The following TSPAN9 variants were observed in gnomAD, a reference collection of about 807,000 sequenced individuals.
The protein encoded by TSPAN9 is tetraspanin-9.
TSPAN9 carries 16 observed loss-of-function variants against 31.0 expected under a neutral mutation model. That is an observed-to-expected ratio of 0.52 (90% CI 0.35 to 0.78). The LOEUF (loss-of-function observed/expected upper bound fraction) is 0.78. Ranked by LOEUF, TSPAN9 falls within the 30% of genes least tolerant of loss-of-function variation. TSPAN9 has a pLI of 0.01. For synonymous variants in TSPAN9, 145 were observed against 121.6 expected (o/e 1.19, Z -1.27); for missense variants, 272 against 312.5 (o/e 0.87, Z 0.98).
rs112731669 is a variant in TSPAN9, at chr12:3,174,065, G to A, written c.-17-27112G>A. On this transcript the variant is annotated intron_variant, in intron 2 of 8. Coordinates refer to ENST00000011898, the MANE Select transcript of TSPAN9 (RefSeq NM_006675.5). The stretch of plus-strand genomic sequence containing the variant: ...AAATTCATTTATCCTCCAAAACTTC[G>A]TTCTCCCTCATTTGTTTGTTTGTTT... 1,097 of 152,374 alleles carry A rather than the reference G, an allele frequency of 7.2e-3. 9 individuals are homozygous for A. Among genetic ancestry groups the A allele is most frequent in the African/African-American group, 0.025 (1,030 of 41,540 alleles). The allele number at this position is 152,374 out of a possible 1,614,324, so 9.4% of individuals were successfully genotyped here.
chr12:3,089,624 CT>C (rs2098303138), intron 2 of TSPAN9, among the ~76,000 whole-genome samples: 1 of 151,896 alleles, frequency 6.6e-6, no homozygotes, highest in African/African-American at 2.4e-5. Flanking sequence ...AAAAAGCATC[CT>C]TTTGGCTGGG....
In TSPAN9 at chr12:3,092,821, A is replaced by G. The variant is rs78929994; in HGVS notation, c.-18+9102A>G. 9.9e-3 allele frequency among the ~76,000 whole-genome samples: 1,502 copies of G among 152,312 alleles called. 29 individuals carry two copies. The highest frequency in any genetic ancestry group is 0.034 in the African/African-American group (1,417 of 41,566). ...GCTGAGGATTGTTCTTCAGGAGCAC[A>G]GTAGCAACATCTTTGGAACCAGTGT... is the stretch of plus-strand genomic sequence containing the variant. On this transcript the variant is annotated intron_variant, in intron 2 of 8. Transcript: ENST00000011898.
At chr12:3,112,676 CTTTT>C (rs765040711) in intron 2 of TSPAN9, among the ~76,000 whole-genome samples, 1 of 88,502 alleles carries the variant, frequency 1.1e-5, no homozygotes, top group African/African-American at 4.7e-5. Flanking sequence ...TTTATTTTTG[CTTTT>C]TTTTTTTTTT....
chr12:3,233,654 G>A (rs928339514), intron 3 of TSPAN9, among the ~76,000 whole-genome samples: 3 of 152,150 alleles, frequency 2.0e-5, no homozygotes, highest in African/African-American at 7.2e-5. Context: ...ATATTTCATT[G>A]TGTGTTCATT....
intron 2 of TSPAN9, among the ~76,000 whole-genome samples, chr12:3,184,509 A>G (rs1038206393): frequency 2.0e-5 from 3 of 152,168 alleles, no homozygotes; most frequent in Admixed American, 6.5e-5. Context: ...AAATCCAGGT[A>G]GTGAATCTAT....
intron 2 of TSPAN9, among the ~76,000 whole-genome samples, chr12:3,199,417 G>A (rs529577319): frequency 2.1e-4 from 32 of 152,330 alleles, no homozygotes; most frequent in South Asian, 1.5e-3. Flanking sequence ...TGTCCCGGTC[G>A]GCAATGCAGA....
intron 3 of TSPAN9, among the ~76,000 whole-genome samples, chr12:3,266,397 G>A (rs1026883195): frequency 6.6e-6 from 1 of 152,198 alleles, no homozygotes; most frequent in Admixed American, 6.5e-5. Flanking sequence ...ACTAGCACTG[G>A]TGCACGATCG....
Position 3,281,716 on chromosome 12 carries a change from G to A in TSPAN9, c.565-18G>A, listed in dbSNP as rs760252121. 23 of 1,607,278 alleles carry A rather than the reference G, an allele frequency of 1.4e-5. No individual in the cohort carries two copies. Among genetic ancestry groups the A allele is most frequent in the Non-Finnish European group, 1.9e-5 (22 of 1,174,640 alleles). On this transcript the variant is annotated intron_variant, in intron 7 of 8. Transcript: ENST00000011898. The stretch of plus-strand genomic sequence containing the variant: ...ATGCTTGGGCTGGGACCCTAACCTC[G>A]TGGGCCTCGCTCCCCAGGGCTGCTA...
At chr12:3,235,139 C>T (rs563593564) in intron 3 of TSPAN9, among the ~76,000 whole-genome samples, 16 of 123,822 alleles carry the variant, frequency 1.3e-4, no homozygotes, top group East Asian at 2.8e-4. Context: ...GCAGAGCTTG[C>T]GCCACTGCAC....
Position 3,099,295 on chromosome 12 carries a change from G to A in TSPAN9, c.-18+15576G>A, listed in dbSNP as rs114571432. Among the ~76,000 whole-genome samples, 391 of 152,212 alleles carry A rather than the reference G, an allele frequency of 2.6e-3. 2 individuals carry two copies. Among genetic ancestry groups the A allele is most frequent in the African/African-American group, 8.1e-3 (335 of 41,534 alleles). ...CAAGCGCACGGATCTTCTGCAGTGG[G>A]TAATCTCATGTTCAATAATTCCCTC... is the stretch of plus-strand genomic sequence containing the variant. On this transcript the variant is annotated intron_variant, in intron 2 of 8. Coordinates refer to ENST00000011898, the MANE Select transcript of TSPAN9 (RefSeq NM_006675.5).
chr12:3,103,967 C>T (rs993251409), intron 2 of TSPAN9, among the ~76,000 whole-genome samples: 11 of 151,970 alleles, frequency 7.2e-5, no homozygotes, highest in Non-Finnish European at 1.3e-4. Context: ...CAGGGCGGGA[C>T]GGGAGGATGA....
chr12:3,239,318 A>G (rs1565627520), intron 3 of TSPAN9, among the ~76,000 whole-genome samples: 1 of 152,210 alleles, frequency 6.6e-6, no homozygotes, highest in Non-Finnish European at 1.5e-5. Flanking sequence ...TCTCTGAGCC[A>G]GGCCTGCCCG....
At chr12:3,275,839 A>G (rs1862775159) in intron 3 of TSPAN9, among the ~76,000 whole-genome samples, 1 of 152,250 alleles carries the variant, frequency 6.6e-6, no homozygotes, top group African/African-American at 2.4e-5. Context: ...ACCCCCCTGC[A>G]GCTCCTTGCA....
intron 2 of TSPAN9, among the ~76,000 whole-genome samples, chr12:3,128,562 C>G (rs780348745): frequency 6.6e-5 from 10 of 152,068 alleles, no homozygotes; most frequent in Non-Finnish European, 1.5e-4. Context: ...TGTCTCAACC[C>G]CTGCCCCAAC....
At chr12:3,274,101 T>G (rs1223920336) in intron 3 of TSPAN9, among the ~76,000 whole-genome samples, 1 of 152,182 alleles carries the variant, frequency 6.6e-6, no homozygotes, top group Non-Finnish European at 1.5e-5. Flanking sequence ...CTTGACTGTG[T>G]GGACTGTCCT....
chr12:3,119,183 T>C (rs950419019), intron 2 of TSPAN9, among the ~76,000 whole-genome samples: 2 of 152,144 alleles, frequency 1.3e-5, no homozygotes, highest in African/African-American at 4.8e-5. Context: ...CTCAGGATGC[T>C]TATAAAGTGG....
chr12:3,278,538 G>A lies in TSPAN9; in HGVS notation c.181G>A (p.Gly61Ser), dbSNP rs1862836088. 1 of 1,614,220 alleles carries A rather than the reference G, an allele frequency of 6.2e-7. No individual in the cohort carries two copies. Among genetic ancestry groups the A allele is most frequent in the African/African-American group, 1.3e-5 (1 of 75,060 alleles). The change falls in exon 4 of 9, where the codon GGC (glycine) becomes AGC (serine). Residue 61 changes from glycine to serine, a missense_variant. By Grantham distance (56) the Gly-to-Ser change is moderately conservative. Coordinates refer to ENST00000011898, the MANE Select transcript of TSPAN9 (RefSeq NM_006675.5). ...TGCAGCCAACCTGGTCATTGCCATAGGCACCATTGTCATGGTGACGGGCTT... is the reference window on the plus strand; with the variant it reads ...TGCAGCCAACCTGGTCATTGCCATAAGCACCATTGTCATGGTGACGGGCTT... The part of the protein sequence containing the change: ...LSAANLVIAI[G>S]TIVMVTGFLG...
At chr12:3,213,304 G>A (rs2098379717) in intron 3 of TSPAN9, among the ~76,000 whole-genome samples, 1 of 152,180 alleles carries the variant, frequency 6.6e-6, no homozygotes, top group South Asian at 2.1e-4. Flanking sequence ...GAGGGCGGGT[G>A]TGTTCTGAAG....
chr12:3,185,343 C>A (rs975498515), intron 2 of TSPAN9, among the ~76,000 whole-genome samples: 1 of 152,144 alleles, frequency 6.6e-6, no homozygotes, highest in Non-Finnish European at 1.5e-5. Context: ...TGTGCTTGTT[C>A]TAGCTTTGCT....
Sources: allele counts gnomAD v4.1 joint callset (sites outside exome capture counted in the v4.1 genomes callset), GRCh38; gene constraint gnomAD v4.1.1; transcripts MANE v1.5; gene names NCBI Gene and HGNC (gene_info 2026-07-23, HGNC 2026-07-21).